The following GCC2 variants were observed in gnomAD, a reference collection of about 807,000 sequenced individuals.
The protein encoded by GCC2 is GRIP and coiled-coil domain containing 2.
A neutral mutation model predicts 210.6 loss-of-function variants in GCC2; 120 were observed. The ratio of observed to expected loss-of-function variants is 0.57; its 90% CI spans 0.49 to 0.66. The LOEUF is 0.66. GCC2 is among the 30% of genes least tolerant of loss of function. The probability of loss-of-function intolerance (pLI) is 0.00; values close to 1 mark genes in which losing one functional copy is unlikely to be tolerated. For synonymous variants in GCC2, 703 were observed against 652.7 expected (o/e 1.08, Z -1.17); for missense variants, 1,868 against 1,871.9 (o/e 1.00, Z 0.04).
In GCC2 at chr2:108,497,186, A is replaced by G. The variant is rs1393748164; in HGVS notation, c.4782+77A>G. ...ACCCTCCATACACATGCACGATCTCAGCTCACTGCAAGCTCCACCTCCCAG... is the reference window on the plus strand; with the variant it reads ...ACCCTCCATACACATGCACGATCTCGGCTCACTGCAAGCTCCACCTCCCAG... On this transcript the variant is annotated intron_variant, in intron 21 of 22. Coordinates refer to ENST00000309863, the MANE Select transcript of GCC2 (RefSeq NM_181453.4). 1.9e-6 allele frequency: 3 copies of G among 1,594,538 alleles called. No individual in the cohort carries two copies. The African/African-American group carries it at 4.0e-5, about 21-fold the overall frequency.
At position 108,479,980 on chromosome 2, in the gene GCC2, C is replaced by CAAAAAAAAAA. The variant is rs200934785; in HGVS notation, c.3061-1697_3061-1688dup. ...CTGGCGACAGAGCGAGACTCCATCT[C>CAAAAAAAAAA]AAAAAAAAAAAAAAAAAAAAAAAAA... On this transcript the variant is annotated intron_variant, in intron 9 of 22. Transcript: ENST00000309863. Among the ~76,000 whole-genome samples, 52 of 114,514 alleles carry CAAAAAAAAAA rather than the reference C, an allele frequency of 4.5e-4. 1 individual carries two copies. The highest frequency in any genetic ancestry group is 1.6e-3 in the African/African-American group (43 of 27,260). The allele number at this position is 114,514 out of a possible 152,430, so 75.1% of individuals were successfully genotyped here.
chr2:108,484,141 A>C lies in GCC2; in HGVS notation c.3451-8A>C, dbSNP rs769700443. ...ATTGTGTAAATCTTTTACTTATAAA[A>C]TGTGCAGGATGCCCAACAAACCACA... On this transcript the variant is annotated splice_region_variant and splice_polypyrimidine_tract_variant and intron_variant, in intron 12 of 22. Coordinates refer to ENST00000309863, the MANE Select transcript of GCC2 (RefSeq NM_181453.4). 2 of 1,554,752 alleles carry C rather than the reference A, an allele frequency of 1.3e-6. No homozygotes were observed. The highest frequency in any genetic ancestry group is 2.8e-5 in the African/African-American group (2 of 71,730).
At chr2:108,468,128 C>A (rs1680998538) in intron 4 of GCC2, among the ~76,000 whole-genome samples, 3 of 151,142 alleles carry the variant, frequency 2.0e-5, no homozygotes, top group Non-Finnish European at 1.5e-5. Flanking sequence ...GTGGAGTGAT[C>A]TTGGCTCGCT....
intron 22 of GCC2, among the ~76,000 whole-genome samples, chr2:108,503,889 G>A (rs1011613035): frequency 2.0e-5 from 3 of 152,158 alleles, no homozygotes; most frequent in African/African-American, 7.2e-5. Flanking sequence ...CAGGAGGATT[G>A]CTTGAGAACA....
intron 4 of GCC2, among the ~76,000 whole-genome samples, chr2:108,465,587 A>G (rs1404733666): frequency 6.6e-6 from 1 of 152,160 alleles, no homozygotes; most frequent in Non-Finnish European, 1.5e-5. Flanking sequence ...CCTACTTACA[A>G]GTGGGAATAT....
intron 7 of GCC2, chr2:108,475,001 C>CA (rs1401148810): frequency 2.6e-5 from 4 of 152,374 alleles, no homozygotes; most frequent in African/African-American, 9.6e-5. Flanking sequence ...CAGATCATAA[C>CA]TGAATTTTTA....
At position 108,449,761 on chromosome 2, in the gene GCC2, G is replaced by A. The variant is rs1274730340; in HGVS notation, c.63+72G>A. ...GATGAATTGGAAAACTTTGGCATGG[G>A]GAAGGGGGGGGCGCTGATTTTTTTT... is the stretch of plus-strand genomic sequence containing the variant. On this transcript the variant is annotated intron_variant, in intron 2 of 22. Transcript: ENST00000309863. 5 of 1,191,446 alleles carry A rather than the reference G, an allele frequency of 4.2e-6. No individual in the cohort carries two copies. In the African/African-American group the frequency reaches 6.4e-5, roughly 15 times the overall value. 73.8% of individuals were successfully genotyped at this position (1,191,446 alleles called of 1,614,324 possible). A position where few individuals can be genotyped will look rare whatever the true frequency, so the allele number is the denominator to read the frequency against.
chr2:108,479,980 CAAAAAAAAAAAAAA>C (rs200934785), intron 9 of GCC2, among the ~76,000 whole-genome samples: 9 of 114,534 alleles, frequency 7.9e-5, no homozygotes, highest in African/African-American at 1.5e-4. Flanking sequence ...GACTCCATCT[CAAAAAAAAAAAAAA>C]AAAAAAAAAA....
Position 108,507,949 on chromosome 2 carries a change from A to T in GCC2, c.*319A>T, listed in dbSNP as rs866792649. ...CGCCCATTTCTCGGCAGTACTGTGA[A>T]TTTTGAAGTTAAACTAAATTTTGGT... On this transcript the variant is annotated 3_prime_UTR_variant, in exon 23 of 23. Transcript: ENST00000309863. The T allele has an allele frequency of 5.8e-5, 11 of 191,036 alleles. No homozygotes were observed. The highest frequency in any genetic ancestry group is 1.1e-4 in the Non-Finnish European group (10 of 90,004). 11.8% of individuals were successfully genotyped at this position (191,036 alleles called of 1,614,324 possible).
chr2:108,504,585 C>T (rs11123698), intron 22 of GCC2, among the ~76,000 whole-genome samples: 56,914 of 151,984 alleles, frequency 0.37, 12,353 homozygotes, highest in East Asian at 0.89. Flanking sequence ...TGTTAATTCA[C>T]CTTGCCCCCA....
At chr2:108,501,629 A>T (rs1411057036) in intron 22 of GCC2, among the ~76,000 whole-genome samples, 1 of 152,036 alleles carries the variant, frequency 6.6e-6, no homozygotes, top group African/African-American at 2.4e-5. Flanking sequence ...AACTGATAAG[A>T]GTCATCCTCA....
At chr2:108,468,131 GGC>G (rs1473772770) in intron 4 of GCC2, among the ~76,000 whole-genome samples, 4 of 150,914 alleles carry the variant, frequency 2.7e-5, no homozygotes, top group African/African-American at 9.8e-5. Context: ...GAGTGATCTT[GGC>G]TCGCTGCAAC....
In GCC2 at chr2:108,470,228, A is replaced by G; in HGVS notation, c.899A>G (p.Glu300Gly). The change falls in exon 6 of 23, where the codon GAA becomes GGA. Residue 300 changes from glutamate (E) to glycine (G), a missense_variant. Physicochemically the swap from Glu to Gly is moderately conservative, Grantham distance 98 (BLOSUM62 -2). Around this residue, in one of 3 missense-constraint regions of GCC2, gnomAD observed 1,847 missense variants for 1,765.2 expected, o/e 1.05. Coordinates refer to ENST00000309863, the MANE Select transcript of GCC2 (RefSeq NM_181453.4). ...NIQKKYECELENLRKATSNAN... is the reference protein window; with the variant it reads ...NIQKKYECELGNLRKATSNAN... Reference sequence around the variant, plus strand: ...CAGAAGAAATATGAATGTGAGTTAGAAAATTTAAGGAAAGCCACCTCAAAT... The same window carrying G: ...CAGAAGAAATATGAATGTGAGTTAGGAAATTTAAGGAAAGCCACCTCAAAT... 1 of 1,613,554 alleles carries G rather than the reference A, an allele frequency of 6.2e-7. No homozygotes were observed. The highest frequency in any genetic ancestry group is 1.1e-5 in the South Asian group (1 of 90,968).
chr2:108,492,989 A>T (rs1317877160), intron 19 of GCC2, among the ~76,000 whole-genome samples, 199 bp downstream of exon 19: 1 of 152,234 alleles, frequency 6.6e-6, no homozygotes. Context: ...TACTTACAGA[A>T]GTCTGTATAA....
Position 108,481,776 on chromosome 2 carries a change from T to C in GCC2, c.3140T>C (p.Ile1047Thr), listed in dbSNP as rs1325051408. 4.4e-6 allele frequency: 7 copies of C among 1,602,006 alleles called. No homozygotes were observed. In the South Asian group the frequency reaches 5.6e-5, roughly 13 times the overall value. The change falls in exon 10 of 23, where the codon ATT becomes ACT. Residue 1047 changes from isoleucine to threonine, a missense_variant. Physicochemically the swap from Ile to Thr is moderately conservative, Grantham distance 89. This residue lies in a region of GCC2 where 1,847 missense variants were observed against 1,765.2 expected (regional missense o/e 1.05). Transcript: ENST00000309863. ...KERANNFEHR[I>T]EDLTRQLRNS... ...CGTGCTAATAATTTTGAGCATCGTA[T>C]TGAAGACCTTACAAGACAATTAAGA... is the stretch of plus-strand genomic sequence containing the variant.
chr2:108,506,729 T>C (rs996365179), intron 22 of GCC2, among the ~76,000 whole-genome samples: 1 of 152,230 alleles, frequency 6.6e-6, no homozygotes, highest in Non-Finnish European at 1.5e-5. Context: ...GAATTTTTTT[T>C]TAAATCCTCT....
Position 108,469,701 on chromosome 2 carries a change from T to C in GCC2, c.372T>C (p.His124=). ...GDAHKELEQS[H]INYVKEIENL... ...CACATAAGGAGTTGGAACAATCACA[T>C]ATAAACTATGTGAAAGAAATTGAAA... Residue 124 remains histidine (H), a synonymous_variant, in exon 6 of 23, where the codon CAT becomes CAC. Coordinates refer to ENST00000309863, the MANE Select transcript of GCC2 (RefSeq NM_181453.4). The C allele has an allele frequency of 6.2e-7, 1 of 1,612,272 alleles. No homozygotes were observed.
chr2:108,449,796 G>A, intron 2 of GCC2, 107 bp downstream of exon 2: 1 of 794,970 alleles, frequency 1.3e-6, no homozygotes, highest in Non-Finnish European at 2.1e-6. Flanking sequence ...TTTTTTAATA[G>A]CCTTGCTCCA....
At position 108,468,988 on chromosome 2, in the gene GCC2, T is replaced by C. The variant is rs1292492321; in HGVS notation, c.225T>C (p.Thr75=). Residue 75 remains threonine, a synonymous_variant, in exon 5 of 23, where the codon ACT becomes ACC. Coordinates refer to ENST00000309863, the MANE Select transcript of GCC2 (RefSeq NM_181453.4). ...ATCTTGTTCTAAAATAGGCATTAAC[T>C]GAACGTCTGGATGCTCTTCTTCTGG... ...EGTGDIIKAL[T]ERLDALLLEK... is the part of the protein sequence containing the mutation. The C allele has an allele frequency of 6.2e-6, 10 of 1,608,286 alleles. No individual in the cohort carries two copies. In the Admixed American group the frequency reaches 1.5e-4, roughly 24 times the overall value.
Sources: gnomAD v4.1 joint callset for allele counts (sites outside exome capture counted in the v4.1 genomes callset) on GRCh38, gnomAD v4.1.1 for gene constraint, gnomAD v4.1.1 regional missense constraint, MANE v1.5 for transcripts, NCBI Gene and HGNC (gene_info 2026-07-23, HGNC 2026-07-21) for gene names.